The following SESTD1 variants were observed in gnomAD, a reference collection of about 807,000 sequenced individuals.
The protein encoded by SESTD1 is SEC14 and spectrin domain containing 1, also known as SEC14 domain and spectrin repeat-containing protein 1.
SESTD1 carries 43 observed loss-of-function variants against 101.7 expected under a neutral mutation model. The ratio of observed to expected loss-of-function variants is 0.42; its 90% confidence interval spans 0.33 to 0.55. SESTD1 has a LOEUF of 0.55. SESTD1 is among the 20% of genes least tolerant of loss of function. SESTD1 has a pLI of 0.07. For missense variants in SESTD1, 647 were observed against 815.1 expected, an observed-to-expected ratio of 0.79 and a Z score of 2.51; for synonymous variants, 283 against 286.8, an observed-to-expected ratio of 0.99 and a Z score of 0.13.
In SESTD1 at chr2:179,124,400, T is replaced by C. The variant is rs1553517200; in HGVS notation, c.1131A>G (p.Leu377=). The stretch of plus-strand genomic sequence containing the variant: ...CACCATGAAATTCAAGAGCTGCTTG[T>C]AAGAGATTTTGCCTAAATTCCAGCT... The part of the protein sequence containing the change: ...ASQLEFRQNL[L]QAALEFHGVA... Residue 377 remains leucine, a synonymous_variant, in exon 11 of 18, where the codon TTA becomes TTG. Coordinates refer to ENST00000428443, the MANE Select transcript of SESTD1 (RefSeq NM_178123.5). 1 of 1,614,120 alleles carries C rather than the reference T, an allele frequency of 6.2e-7. No individual in the cohort carries two copies. The highest frequency in any genetic ancestry group is 1.3e-5 in the African/African-American group (1 of 75,054).
intron 5 of SESTD1, among the ~76,000 whole-genome samples, chr2:179,171,497 T>C (rs2045929781): frequency 6.6e-6 from 1 of 152,178 alleles, no homozygotes; most frequent in South Asian, 2.1e-4. Flanking sequence ...TTCTTCAAAG[T>C]TCCCACACTT....
intron 3 of SESTD1, among the ~76,000 whole-genome samples, chr2:179,181,352 T>C (rs1474419107): frequency 1.3e-5 from 2 of 152,064 alleles, no homozygotes; most frequent in Non-Finnish European, 2.9e-5. Flanking sequence ...ACAAACCTAA[T>C]CACAAGCCAA....
intron 1 of SESTD1, among the ~76,000 whole-genome samples, chr2:179,260,451 G>A (rs1190718363): frequency 1.3e-5 from 2 of 152,170 alleles, no homozygotes; most frequent in Non-Finnish European, 2.9e-5. Context: ...AGGCAGTTGA[G>A]GTTGCAGTGA....
At chr2:179,261,533 CAA>C (rs1338510013) in intron 1 of SESTD1, among the ~76,000 whole-genome samples, 2 of 152,060 alleles carry the variant, frequency 1.3e-5, no homozygotes, top group Non-Finnish European at 2.9e-5. Context: ...AAATTATATA[CAA>C]ATGGCCAATA....
At chr2:179,116,527 C>G in intron 15 of SESTD1, 141 bp downstream of exon 15, 5 of 1,349,654 alleles carry the variant, frequency 3.7e-6, no homozygotes, top group Non-Finnish European at 5.3e-6. Context: ...GATGCACCAG[C>G]TGACATTTTC....
At chr2:179,217,496 TG>T (rs1297652106) in intron 1 of SESTD1, among the ~76,000 whole-genome samples, 1 of 152,112 alleles carries the variant, frequency 6.6e-6, no homozygotes, top group East Asian at 1.9e-4. Flanking sequence ...GGAGAGGATG[TG>T]GAGAAATAAA....
intron 16 of SESTD1, among the ~76,000 whole-genome samples, chr2:179,113,323 G>A (rs994518841): frequency 6.6e-6 from 1 of 152,084 alleles, no homozygotes; most frequent in African/African-American, 2.4e-5. Flanking sequence ...ACAACAAAGA[G>A]TACAAATAAA....
chr2:179,194,333 G>C (rs1032168184), intron 1 of SESTD1, among the ~76,000 whole-genome samples: 1 of 152,082 alleles, frequency 6.6e-6, no homozygotes, highest in Non-Finnish European at 1.5e-5. Flanking sequence ...GCTCCAGGAC[G>C]TGGCAAATGG....
intron 1 of SESTD1, among the ~76,000 whole-genome samples, chr2:179,207,064 C>G (rs1161968873): frequency 1.5e-5 from 2 of 132,956 alleles, no homozygotes; most frequent in Non-Finnish European, 3.2e-5. Context: ...CAAAGAGAGT[C>G]GGAGCTCAGA....
In SESTD1 at chr2:179,105,334, C is replaced by T. The variant is rs767115824; in HGVS notation, c.*4565G>A. The T allele has an allele frequency of 1.3e-5, 2 of 152,026 alleles. No individual in the cohort carries two copies. Among genetic ancestry groups the T allele is most frequent in the Non-Finnish European group, 2.9e-5 (2 of 67,998 alleles). The allele number at this position is 152,026 out of a possible 1,614,324, so 9.4% of individuals were successfully genotyped here. A position where few individuals can be genotyped will look rare whatever the true frequency, so the allele number is the denominator to read the frequency against. On this transcript the variant is annotated 3_prime_UTR_variant, in exon 18 of 18. Coordinates refer to ENST00000428443, the MANE Select transcript of SESTD1 (RefSeq NM_178123.5). ...ACAGGGTTATGTCACACCTTGTCAA[C>T]CTCAAAACAGATGATACTCATCACT...
chr2:179,208,710 CT>C lies in SESTD1; in HGVS notation c.-25-16845del, dbSNP rs1468578489. Among the ~76,000 whole-genome samples, 3 of 134,946 alleles carry C rather than the reference CT, an allele frequency of 2.2e-5. 1 individual carries two copies. Among genetic ancestry groups the C allele is most frequent in the African/African-American group, 8.8e-5 (3 of 34,164 alleles). The allele number at this position is 134,946 out of a possible 152,430, so 88.5% of individuals were successfully genotyped here. ...TACCAAGCAAGCACTACAAGAACTG[CT>C]AAAAGGACCTCTAAATCTTGAAACA... On this transcript the variant is annotated intron_variant, in intron 1 of 17. Transcript: ENST00000428443.
intron 7 of SESTD1, 62 bp downstream of exon 7, chr2:179,149,235 T>G: frequency 8.6e-7 from 1 of 1,168,878 alleles, no homozygotes; most frequent in Non-Finnish European, 1.2e-6. Context: ...ACAATAGAGA[T>G]ATCTTTTATC....
intron 1 of SESTD1, among the ~76,000 whole-genome samples, chr2:179,244,286 G>A (rs1003920274): frequency 2.0e-5 from 3 of 151,810 alleles, no homozygotes; most frequent in East Asian, 1.9e-4. Flanking sequence ...GTGAAACCCC[G>A]TCTCTTACTA....
chr2:179,254,535 G>C (rs1172354844), intron 1 of SESTD1, among the ~76,000 whole-genome samples: 1 of 152,152 alleles, frequency 6.6e-6, no homozygotes, highest in East Asian at 1.9e-4. Flanking sequence ...GCAAATACAG[G>C]CACTAACGCC....
chr2:179,263,739 T>C (rs2047515609), intron 1 of SESTD1, among the ~76,000 whole-genome samples: 2 of 152,200 alleles, frequency 1.3e-5, no homozygotes, highest in East Asian at 1.9e-4. Flanking sequence ...ATCCCACCCG[T>C]ACCCTCAAGA....
intron 5 of SESTD1, among the ~76,000 whole-genome samples, chr2:179,165,223 A>G (rs1443708852): frequency 6.6e-6 from 1 of 152,218 alleles, no homozygotes; most frequent in African/African-American, 2.4e-5. Flanking sequence ...GAATCTCTTC[A>G]ATGTCTAAGA....
Position 179,127,352 on chromosome 2 carries a change from C to T in SESTD1, c.973-2794G>A, listed in dbSNP as rs558378743. 1.3e-4 allele frequency among the ~76,000 whole-genome samples: 20 copies of T among 152,346 alleles called. 1 individual carries two copies. The highest frequency in any genetic ancestry group is 4.8e-4 in the African/African-American group (20 of 41,576). ...AAATCTATACCTATATTGCTTTCCG[C>T]TCCCCAACTTGAATGTAAATTCCAT... On this transcript the variant is annotated intron_variant, in intron 10 of 17. Coordinates refer to ENST00000428443, the MANE Select transcript of SESTD1 (RefSeq NM_178123.5).
chr2:179,116,315 G>GTATTAT (rs2154393815), intron 15 of SESTD1, among the ~76,000 whole-genome samples: 1 of 151,226 alleles, frequency 6.6e-6, no homozygotes, highest in South Asian at 2.1e-4. Flanking sequence ...AAAAAGTTCT[G>GTATTAT]TATTATTATG....
chr2:179,168,155 T>A (rs749212395), intron 5 of SESTD1, among the ~76,000 whole-genome samples: 1 of 152,162 alleles, frequency 6.6e-6, no homozygotes, highest in African/African-American at 2.4e-5. Flanking sequence ...CTGCTACCCC[T>A]GAGACAGTAA....
Sources: gnomAD v4.1 joint callset for allele counts (sites outside exome capture counted in the v4.1 genomes callset) on GRCh38, gnomAD v4.1.1 for gene constraint, MANE v1.5 for transcripts, NCBI Gene and HGNC (gene_info 2026-07-23, HGNC 2026-07-21) for gene names.